The following ANK2 variants were observed in gnomAD, a reference collection of about 807,000 sequenced individuals.
ANK2 encodes the protein ankyrin 2.
Under a neutral mutation model 360.5 loss-of-function variants are expected in ANK2, and 83 were observed. The observed-to-expected ratio is 0.23, with a 90% CI of 0.19 to 0.28. The LOEUF is 0.28. ANK2 is among the 10% of genes least tolerant of loss of function. The pLI is 1.00. For missense variants in ANK2, 4,201 were observed against 4,795.7 expected (o/e 0.88, Z 3.66); for synonymous variants, 1,740 against 1,759.5 (o/e 0.99, Z 0.28).
intron 1 of ANK2, among the ~76,000 whole-genome samples, chr4:112,849,641 AT>A (rs1441296754): frequency 2.6e-5 from 4 of 152,194 alleles, no homozygotes; most frequent in African/African-American, 9.7e-5. Context: ...TAGTTTCCTC[AT>A]TGCTGTCCAG....
intron 2 of ANK2, among the ~76,000 whole-genome samples, chr4:112,939,902 C>CA (rs575079350): frequency 3.9e-4 from 60 of 152,250 alleles, no homozygotes; most frequent in African/African-American, 1.4e-3. Context: ...AGAGTTGTTT[C>CA]AACGATCATA....
chr4:113,237,168 C>A lies in ANK2; in HGVS notation c.665C>A (p.Ser222Tyr). The A allele has an allele frequency of 6.2e-7, 1 of 1,613,550 alleles. No homozygotes were observed. Among genetic ancestry groups the A allele is most frequent in the Non-Finnish European group, 8.5e-7 (1 of 1,179,576 alleles). Residue 222 changes from serine (S) to tyrosine (Y), a missense_variant, in exon 6 of 46, where the codon TCC becomes TAC. By Grantham distance (144) the Ser-to-Tyr change is moderately radical. Transcript: ENST00000357077. Reference sequence around the variant, plus strand: ...AATGACCACAATGCTGACGTACAATCCAAGGTACTTAAAGCTGAACACATT... The same window carrying A: ...AATGACCACAATGCTGACGTACAATACAAGGTACTTAAAGCTGAACACATT... The part of the protein sequence containing the change: ...LQNDHNADVQ[S>Y]KMMVNRTTES...
intron 1 of ANK2, among the ~76,000 whole-genome samples, chr4:113,085,944 A>C (rs2084525942): frequency 6.6e-6 from 1 of 152,198 alleles, no homozygotes; most frequent in Admixed American, 6.5e-5. Flanking sequence ...GGAAAAGGAA[A>C]AGATGAAAAA....
chr4:113,063,104 A>C (rs79973891), intron 1 of ANK2, among the ~76,000 whole-genome samples: 2,109 of 152,156 alleles, frequency 0.014, 25 homozygotes, highest in Middle Eastern at 0.02. Context: ...CATTTAGTAA[A>C]AAGATATCCA....
At position 113,348,269 on chromosome 4, in the gene ANK2, C is replaced by T. The variant is rs370720661; in HGVS notation, c.4372-7C>T. Reference sequence around the variant, plus strand: ...TTCCATCTTGCATGGCATCTTGGGGCGGAAAGGAATCAGAGTCAGATCAAG... The same window carrying T: ...TTCCATCTTGCATGGCATCTTGGGGTGGAAAGGAATCAGAGTCAGATCAAG... On this transcript the variant is annotated splice_region_variant and splice_polypyrimidine_tract_variant and intron_variant, in intron 35 of 45. Coordinates refer to ENST00000357077, the MANE Select transcript of ANK2 (RefSeq NM_001148.6). 102 of 1,612,932 alleles carry T rather than the reference C, an allele frequency of 6.3e-5. 1 individual carries two copies. The highest frequency in any genetic ancestry group is 3.3e-4 in the Middle Eastern group (2 of 6,054).
Position 113,354,266 on chromosome 4 carries a change from C to G in ANK2, c.5648C>G (p.Pro1883Arg). 1 of 1,614,160 alleles carries G rather than the reference C, an allele frequency of 6.2e-7. No individual in the cohort carries two copies. Among genetic ancestry groups the G allele is most frequent in the Non-Finnish European group, 8.5e-7 (1 of 1,180,002 alleles). ...ACTGAGAAACACTCACCTGTATCAC[C>G]CTCGACAAAAACTGAAAGGCACTCT... ...SKTEKHSPVS[P>R]STKTERHSPV... Residue 1883 changes from proline to arginine, a missense_variant, in exon 38 of 46, where the codon CCC becomes CGC. Physicochemically the swap from Pro to Arg is moderately radical, Grantham distance 103. This residue lies in a region of ANK2 where 2,642 missense variants were observed against 2,714.5 expected (regional missense o/e 0.97). Transcript: ENST00000357077.
chr4:113,106,847 C>T (rs2093686692), intron 1 of ANK2: 1 of 525,256 alleles, frequency 1.9e-6, no homozygotes, highest in Non-Finnish European at 3.9e-6. Flanking sequence ...GTAACTGGGC[C>T]AGTTTCTGCC....
chr4:112,939,608 C>A (rs569105131), intron 2 of ANK2, among the ~76,000 whole-genome samples: 1 of 152,310 alleles, frequency 6.6e-6, no homozygotes, highest in African/African-American at 2.4e-5. Flanking sequence ...AGCCACCATG[C>A]CCGGCCAGTT....
chr4:113,100,057 G>A (rs2092557587), intron 1 of ANK2, among the ~76,000 whole-genome samples: 1 of 151,924 alleles, frequency 6.6e-6, no homozygotes, highest in Admixed American at 6.6e-5. Flanking sequence ...GGTGACCTTG[G>A]GTTTGATGAT....
chr4:113,188,535 T>C (rs2098590687), intron 2 of ANK2, among the ~76,000 whole-genome samples: 2 of 152,186 alleles, frequency 1.3e-5, no homozygotes, highest in African/African-American at 4.8e-5. Context: ...ATTTGAATGT[T>C]CCCTTTAAGT....
rs1392505362 is a variant in ANK2, at chr4:113,311,387, G to A, written c.2681G>A (p.Gly894Glu). The stretch of plus-strand genomic sequence containing the variant: ...TACCTGCGATACAGCTTGGAGGGAG[G>A]ACGATCTGACAGGTATCTCATAAAA... ...MNYLRYSLEG[G>E]RSDSLRSFSS... The change falls in exon 24 of 46, where the codon GGA becomes GAA. Residue 894 changes from glycine to glutamate, a missense_variant. Physicochemically the swap from Gly to Glu is moderately conservative, Grantham distance 98. Around this residue, in one of 4 missense-constraint regions of ANK2, gnomAD observed 1,268 missense variants for 1,650.8 expected, o/e 0.77. Transcript: ENST00000357077. 2 of 1,614,098 alleles carry A rather than the reference G, an allele frequency of 1.2e-6. No individual in the cohort carries two copies.
intron 1 of ANK2, among the ~76,000 whole-genome samples, chr4:112,870,269 C>T (rs1410681914): frequency 6.6e-6 from 1 of 152,162 alleles, no homozygotes; most frequent in Non-Finnish European, 1.5e-5. Flanking sequence ...GCTGGGATTA[C>T]AGGCATGAGC....
intron 10 of ANK2, among the ~76,000 whole-genome samples, chr4:113,251,866 T>C (rs1179465512): frequency 6.6e-6 from 1 of 152,114 alleles, no homozygotes; most frequent in East Asian, 1.9e-4. Context: ...AATAGAGATA[T>C]GTATAGGGTA....
At chr4:113,018,568 G>A (rs1030696636) in intron 2 of ANK2, among the ~76,000 whole-genome samples, 1 of 152,036 alleles carries the variant, frequency 6.6e-6, no homozygotes, top group Non-Finnish European at 1.5e-5. Flanking sequence ...TGGTATGTGA[G>A]ATGACTTTTC....
At chr4:113,324,359 A>G (rs966826430) in intron 26 of ANK2, among the ~76,000 whole-genome samples, 2 of 152,186 alleles carry the variant, frequency 1.3e-5, no homozygotes, top group Non-Finnish European at 2.9e-5. Context: ...TTCTAAAAAT[A>G]CCTGTTATTC....
chr4:113,377,807 T>C (rs114509263), intron 45 of ANK2, among the ~76,000 whole-genome samples: 93 of 152,302 alleles, frequency 6.1e-4, no homozygotes, highest in African/African-American at 2.2e-3. Flanking sequence ...ATCTCCACTG[T>C]AGAAAGCAGT....
At chr4:112,745,852 C>T in the ANK2 span, among the ~76,000 whole-genome samples, 1 of 152,204 alleles carries the variant, frequency 6.6e-6, no homozygotes, top group South Asian at 2.1e-4. Context: ...AGATCTTATT[C>T]ATTCTATCTA....
chr4:113,223,033 A>G (rs1025221307), intron 4 of ANK2, among the ~76,000 whole-genome samples: 3 of 152,184 alleles, frequency 2.0e-5, no homozygotes, highest in East Asian at 1.9e-4. Context: ...TGTGACTACA[A>G]TTAGTACCCA....
rs76807664 is a variant in ANK2 at position 112,951,410 on chromosome 4, T to A, written c.21+46896T>A. 6.5e-3 allele frequency among the ~76,000 whole-genome samples: 992 copies of A among 152,318 alleles called. 17 individuals carry two copies. Among genetic ancestry groups the A allele is most frequent in the African/African-American group, 0.022 (926 of 41,570 alleles). On this transcript the variant is annotated intron_variant, in intron 2 of 30. Coordinates refer to the ANK2 transcript ENST00000503271. Reference sequence around the variant, plus strand: ...GAGTTATTTTGATAACTAGCTGGTATAAAAAAGGTTTTTAAAAAGATCATA... The same window carrying A: ...GAGTTATTTTGATAACTAGCTGGTAAAAAAAAGGTTTTTAAAAAGATCATA...
Sources: gnomAD v4.1 joint callset for allele counts (sites outside exome capture counted in the v4.1 genomes callset) on GRCh38, gnomAD v4.1.1 for gene constraint, gnomAD v4.1.1 regional missense constraint, MANE v1.5 for transcripts, NCBI Gene and HGNC (gene_info 2026-07-23, HGNC 2026-07-21) for gene names.